GPM6B: variants seen among roughly 807,000 people sequenced by gnomAD.
GPM6B encodes the protein glycoprotein M6B.
GPM6B carries 4 observed loss-of-function variants against 27.2 expected under a neutral mutation model. The observed-to-expected ratio is 0.15, with a 90% confidence interval of 0.07 to 0.34. GPM6B has a LOEUF of 0.34. Among genes scored for constraint, GPM6B ranks in the 10% least tolerant of loss-of-function variants. The pLI, the probability that GPM6B is intolerant of heterozygous loss-of-function variation, is 1.00. For missense variants in GPM6B, 183 were observed against 261.9 expected, an observed-to-expected ratio of 0.70 and a Z score of 2.08; for synonymous variants, 124 against 103.1, an observed-to-expected ratio of 1.20 and a Z score of -1.23.
chrX:13,889,017 G>A (rs2050164123), intron 1 of GPM6B: 1 of 111,635 alleles, frequency 9.0e-6, no homozygotes, highest in Non-Finnish European at 1.9e-5. Flanking sequence ...GAGAAGCAAG[G>A]AGTTACACGG....
intron 1 of GPM6B, among the ~76,000 whole-genome samples, chrX:13,822,527 C>T (rs932505852): frequency 6.4e-5 from 7 of 109,387 alleles, no homozygotes; most frequent in Non-Finnish European, 1.3e-4. Context: ...CCACCACGCC[C>T]AGCTAATTTT....
intron 1 of GPM6B, among the ~76,000 whole-genome samples, chrX:13,930,475 G>A (rs183867505): frequency 0.018 from 2,007 of 111,309 alleles, 46 homozygotes; most frequent in African/African-American, 0.063. Context: ...TTAGCCAGGC[G>A]TGGTTGTGGG....
At chrX:13,915,278 TAAAAAA>T (rs57417145) in intron 1 of GPM6B, among the ~76,000 whole-genome samples, 255 of 80,481 alleles carry the variant, frequency 3.2e-3, no homozygotes, top group African/African-American at 7.0e-3. Context: ...AAAAAATGTG[TAAAAAA>T]AAAAAAAAAA....
intron 2 of GPM6B, among the ~76,000 whole-genome samples, chrX:13,788,679 T>C (rs1823415923): frequency 9.1e-6 from 1 of 110,098 alleles, no homozygotes; most frequent in African/African-American, 3.3e-5. Flanking sequence ...AAATCCACAG[T>C]TGCCACTTCA....
chrX:13,938,457 G>A, upstream of GPM6B: 19 of 860,647 alleles, frequency 2.2e-5, no homozygotes, highest in Non-Finnish European at 2.5e-5. Context: ...CCCTCCCGGG[G>A]CGGGGGCGCG....
At chrX:13,843,580 G>C (rs1017274168) in intron 1 of GPM6B, among the ~76,000 whole-genome samples, 2 of 112,259 alleles carry the variant, frequency 1.8e-5, no homozygotes, top group African/African-American at 6.5e-5. Flanking sequence ...GAGGGTTTCA[G>C]TTTCTCCACA....
chrX:13,876,635 A>T (rs181265699), intron 1 of GPM6B, among the ~76,000 whole-genome samples: 36 of 111,637 alleles, frequency 3.2e-4, no homozygotes, highest in African/African-American at 1.0e-3. Flanking sequence ...GGTCTGGAAC[A>T]ATCTTCCATT....
chrX:13,860,315 G>A (rs1005544905), intron 1 of GPM6B, among the ~76,000 whole-genome samples: 4 of 111,576 alleles, frequency 3.6e-5, no homozygotes, highest in African/African-American at 1.3e-4. Flanking sequence ...AAATATGACT[G>A]TCATTTAAAA....
At chrX:13,794,589 C>T (rs141198050) in intron 2 of GPM6B, among the ~76,000 whole-genome samples, 3,014 of 111,628 alleles carry the variant, frequency 0.027, 55 homozygotes, top group Middle Eastern at 0.05. Flanking sequence ...TTGACATTTG[C>T]ACAGTAAAAC....
intron 1 of GPM6B, among the ~76,000 whole-genome samples, chrX:13,935,253 C>G (rs138196850): frequency 0.11 from 11,235 of 100,627 alleles, 895 homozygotes; most frequent in African/African-American, 0.27. Flanking sequence ...AATCCCAGCA[C>G]TTTGGGAAGC....
At chrX:13,783,976 A>T in intron 3 of GPM6B, 3 of 278,197 alleles carry the variant, frequency 1.1e-5, no homozygotes, top group Non-Finnish European at 7.0e-6. Context: ...TGTCACTCTG[A>T]TAAAACCCCT....
intron 1 of GPM6B, among the ~76,000 whole-genome samples, chrX:13,834,599 T>C (rs2049476045): frequency 9.0e-6 from 1 of 111,271 alleles, no homozygotes; most frequent in Admixed American, 9.5e-5. Context: ...GAGGCCAGAG[T>C]AGGGCTTAAA....
chrX:13,775,841 T>C (rs926788150), intron 7 of GPM6B, among the ~76,000 whole-genome samples: 2 of 112,295 alleles, frequency 1.8e-5, no homozygotes, highest in African/African-American at 3.2e-5. Context: ...TGAGTGACTA[T>C]ATAAATGTAT....
intron 1 of GPM6B, among the ~76,000 whole-genome samples, chrX:13,879,631 A>G (rs746499100): frequency 2.7e-5 from 3 of 112,599 alleles, no homozygotes; most frequent in African/African-American, 9.7e-5. Flanking sequence ...ACTTGATTCC[A>G]AAAGCTACCC....
chrX:13,931,064 A>G (rs1921491210), intron 1 of GPM6B, among the ~76,000 whole-genome samples: 1 of 111,084 alleles, frequency 9.0e-6, no homozygotes, highest in African/African-American at 3.3e-5. Context: ...CATACCTGTA[A>G]TCCCAGTTAC....
At position 13,779,931 on chromosome X, in the gene GPM6B, G is replaced by C; in HGVS notation, c.584C>G (p.Ala195Gly). 8.3e-7 allele frequency: 1 copy of C among 1,200,852 alleles called. No homozygotes were observed. The highest frequency in any genetic ancestry group is 1.1e-6 in the Non-Finnish European group (1 of 887,549). ...GTTGTAGAACATAAACACGGGCACC[G>C]CTGAGAAACCAAACACACCCAGCCA... Reference protein sequence around the residue: ...VAWLGVFGFSAVPVFMFYNIW... With the variant: ...VAWLGVFGFSGVPVFMFYNIW... The change falls in exon 5 of 8, where the codon GCG becomes GGG. Residue 195 changes from alanine to glycine, a missense_variant. Physicochemically the swap from Ala to Gly is moderately conservative, Grantham distance 60 (BLOSUM62 0). Coordinates refer to ENST00000316715, the MANE Select transcript of GPM6B (RefSeq NM_001001995.3).
upstream of GPM6B, among the ~76,000 whole-genome samples, chrX:13,821,885 G>A (rs1369447537): frequency 2.7e-5 from 3 of 111,896 alleles, no homozygotes; most frequent in African/African-American, 6.5e-5. Context: ...ATGAGCCATC[G>A]TGCCTGACCC....
chrX:13,776,324 A>G, intron 6 of GPM6B, 21 bp from the exon 7 acceptor site: 1 of 1,165,339 alleles, frequency 8.6e-7, no homozygotes, highest in Non-Finnish European at 1.2e-6. Flanking sequence ...ACAGGGCATC[A>G]ACATAAGCAT....
At chrX:13,876,899 G>T (rs996270195) in intron 1 of GPM6B, among the ~76,000 whole-genome samples, 6 of 111,134 alleles carry the variant, frequency 5.4e-5, no homozygotes, top group African/African-American at 2.0e-4. Flanking sequence ...CAACTCACTG[G>T]AGTAATTTGG....
Sources: allele counts gnomAD v4.1 joint callset (sites outside exome capture counted in the v4.1 genomes callset), GRCh38; gene constraint gnomAD v4.1.1; transcripts MANE v1.5; gene names NCBI Gene and HGNC (gene_info 2026-07-23, HGNC 2026-07-21).